Variants in DCAF1 observed in about 807,000 individuals in gnomAD.
The protein encoded by DCAF1 is DDB1 and CUL4 associated factor 1.
A neutral mutation model predicts 128.0 loss-of-function variants in DCAF1; 15 were observed. That is an observed-to-expected ratio of 0.12 (90% CI 0.08 to 0.18). DCAF1 has a LOEUF of 0.18. Among genes scored for constraint, DCAF1 ranks in the 10% least tolerant of loss-of-function variants. The pLI, the probability that DCAF1 is intolerant of heterozygous loss-of-function variation, is 1.00. For missense variants in DCAF1, 988 were observed against 1,649.5 expected, an observed-to-expected ratio of 0.60 and a Z score of 6.95; for synonymous variants, 610 against 603.0, an observed-to-expected ratio of 1.01 and a Z score of -0.17.
At chr3:51,414,900 C>T (rs782813516) in intron 18 of DCAF1, 43 bp from the exon 19 acceptor site, 2 of 1,576,356 alleles carry the variant, frequency 1.3e-6, no homozygotes, top group Non-Finnish European at 1.7e-6. Context: ...CAGACCAATC[C>T]ATCCACTGAC....
At chr3:51,433,357 G>C (rs1345512325) in intron 9 of DCAF1, 93 bp from the exon 10 acceptor site, 3 of 396,816 alleles carry the variant, frequency 7.6e-6, no homozygotes, top group Non-Finnish European at 1.3e-5. Context: ...AAATACAAAA[G>C]CCCTCTAAGG....
At chr3:51,430,268 G>A (rs184110239) in intron 10 of DCAF1, 56 bp from the exon 11 acceptor site, 2 of 729,772 alleles carry the variant, frequency 2.7e-6, no homozygotes, top group East Asian at 2.5e-5. Context: ...AGGAGCCCTT[G>A]AACAGGATGG....
chr3:51,480,598 C>CAA lies in DCAF1; in HGVS notation c.110+3119_110+3120dup, dbSNP rs34527434. 7.6e-3 allele frequency among the ~76,000 whole-genome samples: 697 copies of CAA among 91,634 alleles called. 11 individuals carry two copies. Among genetic ancestry groups the CAA allele is most frequent in the Middle Eastern group, 0.011 (2 of 174 alleles). 60.1% of individuals were successfully genotyped at this position (91,634 alleles called of 152,430 possible). The stretch of plus-strand genomic sequence containing the variant: ...TGGGCGACAGAGCTAGAGTCTGCCT[C>CAA]AAAAAAAAAAAAAAAAAAAAAGTTA... On this transcript the variant is annotated intron_variant, in intron 3 of 24. Coordinates refer to ENST00000684031, the MANE Select transcript of DCAF1 (RefSeq NM_001387579.1).
upstream of DCAF1, among the ~76,000 whole-genome samples, chr3:51,501,884 T>A (rs782097555): frequency 2.6e-5 from 4 of 152,096 alleles, no homozygotes; most frequent in East Asian, 3.9e-4. Flanking sequence ...CCAGCCACAC[T>A]CTCTCATTTA....
At chr3:51,417,214 T>A (rs1698958304) in intron 17 of DCAF1, among the ~76,000 whole-genome samples, 1 of 151,928 alleles carries the variant, frequency 6.6e-6, no homozygotes, top group African/African-American at 2.4e-5. Flanking sequence ...GCTCAGGAGT[T>A]CGAGACCACC....
chr3:51,413,258 C>A, intron 21 of DCAF1, 24 bp downstream of exon 21: 1 of 1,604,830 alleles, frequency 6.2e-7, no homozygotes, highest in South Asian at 1.1e-5. Context: ...ACAAAATGTT[C>A]AATGTCTGTC....
At chr3:51,499,658 G>A (rs1335494610) in intron 1 of DCAF1, among the ~76,000 whole-genome samples, 2 of 151,822 alleles carry the variant, frequency 1.3e-5, no homozygotes, top group African/African-American at 2.4e-5. Context: ...AGAACGTGGA[G>A]GCCCCGCCCC....
intron 6 of DCAF1, among the ~76,000 whole-genome samples, chr3:51,448,813 A>G (rs189046910): frequency 1.4e-4 from 21 of 152,264 alleles, no homozygotes; most frequent in Middle Eastern, 3.4e-3. Flanking sequence ...GAACAACACT[A>G]TAAGCCATTG....
intron 3 of DCAF1, among the ~76,000 whole-genome samples, chr3:51,481,632 T>A (rs1559565741): frequency 6.7e-6 from 1 of 150,174 alleles, no homozygotes; most frequent in Non-Finnish European, 1.5e-5. Context: ...GAGGTGGGGG[T>A]TGCAGTGAGC....
At chr3:51,487,870 A>G (rs1553656140) in intron 2 of DCAF1, among the ~76,000 whole-genome samples, 1 of 151,332 alleles carries the variant, frequency 6.6e-6, no homozygotes, top group Non-Finnish European at 1.5e-5. Flanking sequence ...TTATTTATTT[A>G]TTTATTTATT....
chr3:51,435,568 G>A (rs1018473135), intron 9 of DCAF1, among the ~76,000 whole-genome samples: 2 of 152,124 alleles, frequency 1.3e-5, no homozygotes, highest in Non-Finnish European at 2.9e-5. Flanking sequence ...AAAATTAGCC[G>A]GCCATGGTGG....
chr3:51,408,702 A>T (rs1403957000), intron 23 of DCAF1, among the ~76,000 whole-genome samples: 2 of 152,212 alleles, frequency 1.3e-5, no homozygotes, highest in Non-Finnish European at 2.9e-5. Flanking sequence ...AAGGTTACAA[A>T]AGAGACCTAC....
At chr3:51,455,461 C>G (rs1428497253) in intron 6 of DCAF1, among the ~76,000 whole-genome samples, 1 of 151,940 alleles carries the variant, frequency 6.6e-6, no homozygotes, top group African/African-American at 2.4e-5. Flanking sequence ...TAAAAATTAG[C>G]CGGGCATGGT....
rs71633071 is a variant in DCAF1, at chr3:51,437,266, CAAAAAAAAA to C, written c.1128+3695_1128+3703del. On this transcript the variant is annotated intron_variant, in intron 9 of 24. Transcript: ENST00000684031. ...CCAGGTGACAGATAAGACTCCATGT[CAAAAAAAAA>C]AAAAAAAAAAAAAAAGAAAGAAAGA... 1.6e-4 allele frequency: 40 copies of C among 256,566 alleles called. No individual in the cohort carries two copies. In the Middle Eastern group the frequency reaches 2.7e-3, roughly 17 times the overall value. The allele number at this position is 256,566 out of a possible 1,614,324, so 15.9% of individuals were successfully genotyped here. A position where few individuals can be genotyped will look rare whatever the true frequency, so the allele number is the denominator to read the frequency against.
chr3:51,447,294 C>T (rs1553640492), intron 6 of DCAF1, among the ~76,000 whole-genome samples: 2 of 151,762 alleles, frequency 1.3e-5, no homozygotes. Context: ...CTTGTAGTTC[C>T]AACTATTCGG....
intron 6 of DCAF1, among the ~76,000 whole-genome samples, chr3:51,452,438 T>C (rs1553641709): frequency 6.6e-6 from 1 of 152,104 alleles, no homozygotes; most frequent in Non-Finnish European, 1.5e-5. Context: ...AGTAACACAA[T>C]ATGAAAAAGG....
intron 17 of DCAF1, among the ~76,000 whole-genome samples, chr3:51,417,881 T>C (rs763428065): frequency 1.8e-4 from 28 of 151,894 alleles, no homozygotes; most frequent in Non-Finnish European, 3.2e-4. Flanking sequence ...GGAAAATACA[T>C]AGATTCTGGG....
intron 6 of DCAF1, among the ~76,000 whole-genome samples, chr3:51,457,575 ACTC>A (rs1472380884): frequency 6.6e-6 from 1 of 152,102 alleles, no homozygotes; most frequent in Non-Finnish European, 1.5e-5. Context: ...CCACAAAGAT[ACTC>A]CTCAAGAAGA....
At chr3:51,421,291 C>G (rs1699369020) in intron 14 of DCAF1, among the ~76,000 whole-genome samples, 1 of 152,176 alleles carries the variant, frequency 6.6e-6, no homozygotes. Context: ...GAGTCTCGCT[C>G]TGTCGCCCAA....
Sources: gnomAD v4.1 joint callset for allele counts (sites outside exome capture counted in the v4.1 genomes callset) on GRCh38, gnomAD v4.1.1 for gene constraint, MANE v1.5 for transcripts, NCBI Gene and HGNC (gene_info 2026-07-23, HGNC 2026-07-21) for gene names.